The following RARB variants were observed in gnomAD, a reference collection of about 807,000 sequenced individuals.
RARB encodes HBV-activated protein.
In RARB, 17 loss-of-function variants were observed where a neutral mutation model predicts 51.9. The observed-to-expected ratio is 0.33, with a 90% CI of 0.22 to 0.49. RARB has a LOEUF of 0.49. Among genes scored for constraint, RARB ranks in the 20% least tolerant of loss-of-function variants. RARB has a pLI of 0.99. For synonymous variants in RARB, 215 were observed against 195.4 expected (o/e 1.10, Z -0.84); for missense variants, 369 against 550.8 (o/e 0.67, Z 3.30).
intron 4 of RARB, among the ~76,000 whole-genome samples, chr3:25,162,737 T>G (rs897895617): frequency 6.6e-6 from 1 of 152,238 alleles, no homozygotes; most frequent in Non-Finnish European, 1.5e-5. Context: ...TTCATCCATG[T>G]AATAGAACAA....
intron 5 of RARB, among the ~76,000 whole-genome samples, chr3:25,241,619 T>C (rs779247543): frequency 1.3e-5 from 2 of 152,242 alleles, no homozygotes; most frequent in South Asian, 4.1e-4. Flanking sequence ...TCCAGATTCA[T>C]GCATATCCCT....
At chr3:25,002,970 C>A (rs1190794557) in intron 2 of RARB, among the ~76,000 whole-genome samples, 1 of 151,970 alleles carries the variant, frequency 6.6e-6, no homozygotes, top group Non-Finnish European at 1.5e-5. Context: ...AGTAAAAGAT[C>A]TTCATACCTA....
intron 3 of RARB, among the ~76,000 whole-genome samples, chr3:25,541,216 G>C (rs1310047687): frequency 6.6e-6 from 1 of 152,158 alleles, no homozygotes; most frequent in Non-Finnish European, 1.5e-5. Context: ...TAAATCCATT[G>C]ATTTAGCCAC....
chr3:24,844,205 G>A (rs140540003), intron 1 of RARB, among the ~76,000 whole-genome samples: 6 of 152,308 alleles, frequency 3.9e-5, no homozygotes, highest in Non-Finnish European at 8.8e-5. Context: ...TTTGCTCTCT[G>A]CCATTCTTGC....
intron 2 of RARB, among the ~76,000 whole-genome samples, chr3:25,022,720 A>T (rs1169407983): frequency 6.6e-6 from 1 of 152,190 alleles, no homozygotes; most frequent in East Asian, 1.9e-4. Flanking sequence ...CTGACATTTG[A>T]AATGATGATA....
At chr3:25,085,115 G>A (rs867656510) in intron 3 of RARB, among the ~76,000 whole-genome samples, 42 of 152,244 alleles carry the variant, frequency 2.8e-4, no homozygotes, top group Middle Eastern at 6.8e-3. Context: ...AGAATACCAA[G>A]AGGAGACAAC....
chr3:25,240,790 T>A (rs1702413469), intron 5 of RARB, among the ~76,000 whole-genome samples: 1 of 152,162 alleles, frequency 6.6e-6, no homozygotes, highest in African/African-American at 2.4e-5. Flanking sequence ...GCCTGTAGTT[T>A]TCTTTTTTGT....
chr3:25,340,787 G>A (rs1026613749), intron 5 of RARB, among the ~76,000 whole-genome samples: 8 of 152,284 alleles, frequency 5.3e-5, no homozygotes, highest in South Asian at 2.1e-4. Context: ...GGAGGATCTC[G>A]CTTTGGAGAA....
chr3:25,282,368 C>G (rs1239661715), intron 5 of RARB, among the ~76,000 whole-genome samples: 1 of 152,202 alleles, frequency 6.6e-6, no homozygotes, highest in African/African-American at 2.4e-5. Flanking sequence ...AATCATTCTT[C>G]AAATGTCACC....
At chr3:24,921,379 CT>C (rs956744119) in intron 2 of RARB, among the ~76,000 whole-genome samples, 55 of 152,252 alleles carry the variant, frequency 3.6e-4, no homozygotes, top group African/African-American at 1.3e-3. Context: ...GCACTACATG[CT>C]TCTGTTTTCT....
intron 3 of RARB, among the ~76,000 whole-genome samples, chr3:25,533,455 GCAT>G (rs1273164208): frequency 6.6e-6 from 1 of 152,170 alleles, no homozygotes; most frequent in Non-Finnish European, 1.5e-5. Flanking sequence ...CAAAAGGATA[GCAT>G]TGTTTATTAT....
intron 1 of RARB, among the ~76,000 whole-genome samples, chr3:25,456,682 TAGAGAG>T (rs201238732): frequency 0.023 from 2,059 of 88,184 alleles, 37 homozygotes; most frequent in African/African-American, 0.066. Flanking sequence ...TATATATATA[TAGAGAG>T]AGAGAGAGAG....
intron 4 of RARB, among the ~76,000 whole-genome samples, chr3:25,167,515 C>T (rs1203068574): frequency 6.6e-6 from 1 of 152,176 alleles, no homozygotes. Flanking sequence ...GCAGTGGAAT[C>T]TTGGCCAGTC....
chr3:25,170,013 G>GA lies in RARB; in HGVS notation c.-279-4095dup, dbSNP rs34538957. Reference sequence around the variant, plus strand: ...TTAAAAAAAAAAAAAAAAAAAGAAAGAAAAAAAAAAAGAAATTGAAGTACT... The same window carrying GA: ...TTAAAAAAAAAAAAAAAAAAAGAAAGAAAAAAAAAAAAGAAATTGAAGTACT... On this transcript the variant is annotated intron_variant, in intron 4 of 11. Coordinates refer to the RARB transcript ENST00000383772. Among the ~76,000 whole-genome samples the GA allele has an allele frequency of 1.0e-3, 131 of 131,528 alleles. No individual in the cohort carries two copies. In the East Asian group the frequency reaches 0.014, roughly 14 times the overall value. The allele number at this position is 131,528 out of a possible 152,430, so 86.3% of individuals were successfully genotyped here.
At chr3:25,469,414 T>G (rs1559419216) in intron 2 of RARB, among the ~76,000 whole-genome samples, 1 of 152,214 alleles carries the variant, frequency 6.6e-6, no homozygotes, top group African/African-American at 2.4e-5. Flanking sequence ...TGCTTCTGTT[T>G]TAGGGGTTTG....
chr3:25,579,583 G>T (rs1701083125), intron 4 of RARB, among the ~76,000 whole-genome samples: 1 of 152,202 alleles, frequency 6.6e-6, no homozygotes, highest in South Asian at 2.1e-4. Flanking sequence ...TCATTGCAAA[G>T]TTGTAATCAC....
intron 3 of RARB, among the ~76,000 whole-genome samples, chr3:25,524,204 T>C (rs953791149): frequency 1.3e-5 from 2 of 152,226 alleles, no homozygotes; most frequent in African/African-American, 4.8e-5. Flanking sequence ...TCTGAGGAAT[T>C]TGAGCTTAGG....
At chr3:25,562,487 A>C (rs953134495) in intron 3 of RARB, among the ~76,000 whole-genome samples, 1 of 152,332 alleles carries the variant, frequency 6.6e-6, no homozygotes, top group Middle Eastern at 3.4e-3. Context: ...CAAAGTAATC[A>C]TTGAGAATAG....
At chr3:25,117,172 C>T (rs1699702149) in intron 3 of RARB, among the ~76,000 whole-genome samples, 2 of 152,108 alleles carry the variant, frequency 1.3e-5, no homozygotes, top group African/African-American at 4.8e-5. Flanking sequence ...GAGCCCGCGT[C>T]CTACAGCATG....
Sources: gnomAD v4.1 joint callset for allele counts (sites outside exome capture counted in the v4.1 genomes callset) on GRCh38, gnomAD v4.1.1 for gene constraint, MANE v1.5 for transcripts, NCBI Gene and HGNC (gene_info 2026-07-23, HGNC 2026-07-21) for gene names.